The following SGCZ variants were observed in gnomAD, a reference collection of about 807,000 sequenced individuals.
SGCZ encodes the protein zeta-sarcoglycan.
In SGCZ, 40 loss-of-function variants were observed where a neutral mutation model predicts 41.3. The ratio of observed to expected loss-of-function variants is 0.97; its 90% CI spans 0.75 to 1.26. The LOEUF (loss-of-function observed/expected upper bound fraction) is 1.26, where lower values mean the gene tolerates loss of function less well. Ranked by LOEUF, SGCZ falls within the 50% of genes most tolerant of loss-of-function variation. The probability of loss-of-function intolerance (pLI) is 0.00; values close to 1 mark genes in which losing one functional copy is unlikely to be tolerated. For synonymous variants in SGCZ, 206 were observed against 137.5 expected, an observed-to-expected ratio of 1.50 and a Z score of -3.49; for missense variants, 552 against 369.8, an observed-to-expected ratio of 1.49 and a Z score of -4.04.
intron 2 of SGCZ, among the ~76,000 whole-genome samples, chr8:14,549,584 A>G (rs537659370): frequency 2.1e-4 from 32 of 152,244 alleles, no homozygotes; most frequent in Middle Eastern, 3.4e-3. Flanking sequence ...ATCAAGGTAA[A>G]TAAGAACAGC....
chr8:15,177,931 T>C (rs997871038), intron 1 of SGCZ, among the ~76,000 whole-genome samples: 2 of 152,176 alleles, frequency 1.3e-5, no homozygotes, highest in Admixed American at 1.3e-4. Flanking sequence ...GCCATTGCCC[T>C]GTAGGCCTCA....
chr8:14,276,869 A>C (rs2117277605), intron 3 of SGCZ, among the ~76,000 whole-genome samples: 1 of 152,222 alleles, frequency 6.6e-6, no homozygotes, highest in South Asian at 2.1e-4. Flanking sequence ...ATAACTTTGA[A>C]AGTTTACTTC....
chr8:14,302,088 T>G (rs940533570), intron 3 of SGCZ, among the ~76,000 whole-genome samples: 1 of 152,148 alleles, frequency 6.6e-6, no homozygotes, highest in African/African-American at 2.4e-5. Flanking sequence ...GATTACAACT[T>G]AAAGGTGCAT....
chr8:15,103,038 A>C (rs1344339119), intron 1 of SGCZ, among the ~76,000 whole-genome samples: 1 of 152,206 alleles, frequency 6.6e-6, no homozygotes, highest in Non-Finnish European at 1.5e-5. Context: ...ACATATATTA[A>C]GTAACAAAAC....
intron 4 of SGCZ, among the ~76,000 whole-genome samples, chr8:14,210,013 T>G (rs796764044): frequency 1.4e-5 from 2 of 147,010 alleles, no homozygotes; most frequent in Non-Finnish European, 3.0e-5. Flanking sequence ...CAGATTCTTA[T>G]GTTTGATACA....
intron 5 of SGCZ, among the ~76,000 whole-genome samples, chr8:14,159,344 C>T (rs886500463): frequency 6.6e-6 from 1 of 152,092 alleles, no homozygotes. Flanking sequence ...AGAAGTTTTG[C>T]TTTCACAAAA....
chr8:14,428,466 G>A (rs555071106), intron 2 of SGCZ, among the ~76,000 whole-genome samples: 81 of 152,078 alleles, frequency 5.3e-4, no homozygotes, highest in African/African-American at 1.9e-3. Flanking sequence ...ACCTAACTGT[G>A]GTGGTATATT....
intron 2 of SGCZ, among the ~76,000 whole-genome samples, chr8:14,386,646 T>C (rs1804589096): frequency 6.6e-6 from 1 of 152,212 alleles, no homozygotes; most frequent in Non-Finnish European, 1.5e-5. Flanking sequence ...TAAATTTGGT[T>C]TACATTTTGT....
intron 2 of SGCZ, among the ~76,000 whole-genome samples, chr8:14,512,613 T>C (rs1252006479): frequency 8.1e-6 from 1 of 124,168 alleles, no homozygotes; most frequent in Non-Finnish European, 1.7e-5. Flanking sequence ...GTACAAGGCA[T>C]TACACCTGGC....
intron 1 of SGCZ, among the ~76,000 whole-genome samples, chr8:15,205,345 G>T (rs1053007681): frequency 6.6e-6 from 1 of 152,120 alleles, no homozygotes; most frequent in Non-Finnish European, 1.5e-5. Context: ...GAAAATATTT[G>T]CAAACTATGC....
Position 14,105,953 on chromosome 8 carries a change from A to C in SGCZ, c.620+2210T>G, listed in dbSNP as rs1238332555. The stretch of plus-strand genomic sequence containing the variant: ...TAAGTAAATTTAAAAATACTTCTAT[A>C]AATGTATTTTAAGTTTATTGAATAA... On this transcript the variant is annotated intron_variant, in intron 6 of 7. Transcript: ENST00000382080. Among the ~76,000 whole-genome samples the C allele has an allele frequency of 2.0e-5, 3 of 152,168 alleles. No individual in the cohort carries two copies. The East Asian group carries it at 5.8e-4, about 29-fold the overall frequency.
intron 2 of SGCZ, among the ~76,000 whole-genome samples, chr8:14,443,342 C>T (rs976012289): frequency 1.2e-4 from 18 of 152,030 alleles, no homozygotes; most frequent in African/African-American, 2.7e-4. Flanking sequence ...AAAAAGAGCC[C>T]GCATCGCCAA....
At position 14,561,058 on chromosome 8, in the gene SGCZ, A is replaced by G. The variant is rs1019930276; in HGVS notation, c.40-6132T>C. Among the ~76,000 whole-genome samples the G allele has an allele frequency of 2.0e-5, 3 of 152,170 alleles. No homozygotes were observed. In the East Asian group the frequency reaches 5.8e-4, roughly 29 times the overall value. On this transcript the variant is annotated intron_variant, in intron 1 of 7. Coordinates refer to ENST00000382080, the MANE Select transcript of SGCZ (RefSeq NM_139167.4). Reference sequence around the variant, plus strand: ...TTAAAAGTTCCTTTTTTTGTTGTTAAATCTGAGTGTTTTTCAAGATCACAA... The same window carrying G: ...TTAAAAGTTCCTTTTTTTGTTGTTAGATCTGAGTGTTTTTCAAGATCACAA...
At chr8:15,101,294 GA>G (rs1157357741) in intron 1 of SGCZ, among the ~76,000 whole-genome samples, 1 of 152,072 alleles carries the variant, frequency 6.6e-6, no homozygotes, top group Non-Finnish European at 1.5e-5. Context: ...GTAAAGGAAT[GA>G]AAAGAAAAGT....
chr8:14,270,350 A>G (rs1174596990), intron 3 of SGCZ, among the ~76,000 whole-genome samples: 1 of 152,030 alleles, frequency 6.6e-6, no homozygotes, highest in Non-Finnish European at 1.5e-5. Context: ...AATTAATTAA[A>G]AAATTAAATC....
At chr8:14,679,379 T>C (rs1002223120) in intron 1 of SGCZ, among the ~76,000 whole-genome samples, 2 of 151,868 alleles carry the variant, frequency 1.3e-5, no homozygotes, top group Non-Finnish European at 2.9e-5. Flanking sequence ...CCTGAAGACA[T>C]GTTAGTGGTA....
chr8:15,150,791 C>T (rs1799157116), intron 1 of SGCZ, among the ~76,000 whole-genome samples: 2 of 152,156 alleles, frequency 1.3e-5, no homozygotes, highest in East Asian at 3.9e-4. Context: ...ATAAATTCTC[C>T]TTTGATTTAA....
At chr8:14,189,506 CAG>C (rs1158123631) in intron 4 of SGCZ, among the ~76,000 whole-genome samples, 1 of 152,192 alleles carries the variant, frequency 6.6e-6, no homozygotes, top group Non-Finnish European at 1.5e-5. Context: ...GCTACACACA[CAG>C]GCTTTTACAC....
intron 1 of SGCZ, among the ~76,000 whole-genome samples, chr8:14,998,123 G>C (rs1311792408): frequency 6.6e-6 from 1 of 152,110 alleles, no homozygotes; most frequent in Admixed American, 6.6e-5. Flanking sequence ...ATGTATAATA[G>C]AAAAATAGTG....
Sources: allele counts gnomAD v4.1 joint callset (sites outside exome capture counted in the v4.1 genomes callset), GRCh38; gene constraint gnomAD v4.1.1; transcripts MANE v1.5; gene names NCBI Gene and HGNC (gene_info 2026-07-23, HGNC 2026-07-21).